Variants in ROBO2 observed in about 807,000 individuals in gnomAD.
ROBO2 encodes the protein roundabout homolog 2.
ROBO2 carries 53 observed loss-of-function variants against 160.8 expected under a neutral mutation model. The ratio of observed to expected loss-of-function variants is 0.33; its 90% CI spans 0.26 to 0.41. ROBO2 has a LOEUF of 0.41. Among genes scored for constraint, ROBO2 ranks in the 10% least tolerant of loss-of-function variants. ROBO2 has a pLI of 1.00. For synonymous variants in ROBO2, 664 were observed against 611.7 expected, an observed-to-expected ratio of 1.09 and a Z score of -1.26; for missense variants, 1,577 against 1,722.4, an observed-to-expected ratio of 0.92 and a Z score of 1.49.
chr3:76,992,358 TA>T (rs1559812196), intron 2 of ROBO2, among the ~76,000 whole-genome samples: 2,287 of 69,986 alleles, frequency 0.033, 75 homozygotes, highest in African/African-American at 0.082. Context: ...TATATATATA[TA>T]TATATATATA....
rs547542623 is a variant in ROBO2, at chr3:77,553,558, T to G, written c.1231+2569T>G. Among the ~76,000 whole-genome samples the G allele has an allele frequency of 1.4e-4, 22 of 152,052 alleles. No individual in the cohort carries two copies. In the South Asian group the frequency reaches 4.6e-3, roughly 32 times the overall value. Reference sequence around the variant, plus strand: ...TCTTGTTCTAAACAGTTAGCAAAGTTATGCATGCAAAGGAAAAGTTTTTGA... The same window carrying G: ...TCTTGTTCTAAACAGTTAGCAAAGTGATGCATGCAAAGGAAAAGTTTTTGA... On this transcript the variant is annotated intron_variant, in intron 8 of 25. Coordinates refer to ENST00000461745, the Ensembl canonical transcript of ROBO2.
At chr3:77,639,677 A>G (rs577069495) in intron 24 of ROBO2, among the ~76,000 whole-genome samples, 193 of 152,298 alleles carry the variant, frequency 1.3e-3, no homozygotes, top group African/African-American at 4.4e-3. Context: ...AACAAGGGCT[A>G]GTGTTTGTGA....
intron 6 of ROBO2, among the ~76,000 whole-genome samples, chr3:77,540,334 A>G (rs1406720953): frequency 6.6e-6 from 1 of 152,196 alleles, no homozygotes; most frequent in East Asian, 1.9e-4. Flanking sequence ...CGTATTAGAT[A>G]TGACAAATTT....
intron 2 of ROBO2, among the ~76,000 whole-genome samples, chr3:76,530,099 C>A (rs1470161159): frequency 6.6e-6 from 1 of 152,162 alleles, no homozygotes; most frequent in African/African-American, 2.4e-5. Flanking sequence ...CATTCCAGGG[C>A]CCTCTTTCTG....
intron 2 of ROBO2, among the ~76,000 whole-genome samples, chr3:76,686,937 T>C (rs1183447004): frequency 1.3e-5 from 2 of 152,166 alleles, no homozygotes; most frequent in African/African-American, 4.8e-5. Context: ...TGTTATTTAT[T>C]CTGTATTCAA....
chr3:76,493,720 C>A (rs1253457947), intron 2 of ROBO2, among the ~76,000 whole-genome samples: 1 of 152,086 alleles, frequency 6.6e-6, no homozygotes, highest in Non-Finnish European at 1.5e-5. Context: ...GGAGCACAGC[C>A]TTCTACTGCT....
At chr3:77,087,419 A>T (rs973839721) in intron 1 of ROBO2, among the ~76,000 whole-genome samples, 2 of 152,148 alleles carry the variant, frequency 1.3e-5, no homozygotes, top group Non-Finnish European at 2.9e-5. Flanking sequence ...TTGAAAGGTA[A>T]ATCTGCATAA....
intron 2 of ROBO2, among the ~76,000 whole-genome samples, chr3:77,448,230 C>T (rs1419122029): frequency 6.6e-6 from 1 of 152,066 alleles, no homozygotes; most frequent in East Asian, 1.9e-4. Context: ...TCACTGATGT[C>T]CCCATGTGAA....
At chr3:75,925,304 G>C (rs1399860445) in intron 1 of ROBO2, among the ~76,000 whole-genome samples, 1 of 152,026 alleles carries the variant, frequency 6.6e-6, no homozygotes. Context: ...GCGGTGAAAG[G>C]ATCTGAGCCC....
intron 2 of ROBO2, among the ~76,000 whole-genome samples, chr3:76,094,575 A>G (rs1576831611): frequency 6.6e-6 from 1 of 152,332 alleles, no homozygotes; most frequent in Non-Finnish European, 1.5e-5. Context: ...ACCATGATTC[A>G]GTTATTTTAG....
At chr3:76,888,971 A>T (rs111570851) in intron 2 of ROBO2, among the ~76,000 whole-genome samples, 2,395 of 152,312 alleles carry the variant, frequency 0.016, 26 homozygotes, top group African/African-American at 0.026. Flanking sequence ...AAGCTGACAG[A>T]TTGTTTGGTC....
At chr3:76,569,235 A>G (rs1020350488) in intron 2 of ROBO2, among the ~76,000 whole-genome samples, 2 of 152,156 alleles carry the variant, frequency 1.3e-5, no homozygotes, top group African/African-American at 4.8e-5. Context: ...GTTTCAGTTC[A>G]GAAGTTTTCT....
chr3:76,153,706 C>T (rs1382370228), intron 2 of ROBO2, among the ~76,000 whole-genome samples: 5 of 152,150 alleles, frequency 3.3e-5, no homozygotes, highest in East Asian at 1.9e-4. Context: ...TTAGTTTGTC[C>T]GTCTTCAAAA....
intron 2 of ROBO2, among the ~76,000 whole-genome samples, chr3:76,642,255 G>A (rs1205325392): frequency 6.6e-6 from 1 of 150,376 alleles, no homozygotes; most frequent in African/African-American, 2.4e-5. Flanking sequence ...TTCCAGAGCC[G>A]ACAGTCTGGC....
intron 2 of ROBO2, among the ~76,000 whole-genome samples, chr3:76,762,872 C>A (rs1164926765): frequency 6.6e-6 from 1 of 151,566 alleles, no homozygotes; most frequent in Non-Finnish European, 1.5e-5. Context: ...ATTTATATTT[C>A]AACAATGACA....
intron 2 of ROBO2, among the ~76,000 whole-genome samples, chr3:76,933,432 G>A (rs1282491838): frequency 6.6e-6 from 1 of 152,176 alleles, no homozygotes; most frequent in East Asian, 1.9e-4. Context: ...CATTATCTAT[G>A]TAATTTGCTG....
intron 2 of ROBO2, among the ~76,000 whole-genome samples, chr3:77,232,487 G>A (rs1050954710): frequency 1.3e-5 from 2 of 152,120 alleles, no homozygotes; most frequent in African/African-American, 4.8e-5. Context: ...AATGGTTTGA[G>A]GACATGGGAA....
chr3:76,427,692 A>G (rs1273336575), intron 2 of ROBO2, among the ~76,000 whole-genome samples: 3 of 152,180 alleles, frequency 2.0e-5, no homozygotes, highest in South Asian at 4.1e-4. Flanking sequence ...GTTGCTTACT[A>G]TGAATTAGGA....
In ROBO2 at chr3:76,580,525, G is replaced by A. The variant is rs143687135; in HGVS notation, c.110-517489G>A. ...AAATATCTTACTCTACTTTGTGAAG[G>A]CACTGTTGTAAAAACATGATATTCA... On this transcript the variant is annotated intron_variant, in intron 2 of 26. Coordinates refer to the ROBO2 transcript ENST00000487694. 2.8e-4 allele frequency among the ~76,000 whole-genome samples: 42 copies of A among 151,660 alleles called. 2 individuals carry two copies. The highest frequency in any genetic ancestry group is 2.7e-3 in the South Asian group (13 of 4,794).
Sources: allele counts gnomAD v4.1 joint callset (sites outside exome capture counted in the v4.1 genomes callset), GRCh38; gene constraint gnomAD v4.1.1; transcripts MANE v1.5; gene names NCBI Gene and HGNC (gene_info 2026-07-23, HGNC 2026-07-21).